Variants in JMY observed in about 807,000 individuals in gnomAD.
JMY encodes the protein junction mediating and regulatory protein, p53 cofactor, also known as junction-mediating and -regulatory protein.
Under a neutral mutation model 103.3 loss-of-function variants are expected in JMY, and 46 were observed. That is an observed-to-expected ratio of 0.45 (90% CI 0.35 to 0.57). JMY has a LOEUF of 0.57. Ranked by LOEUF, JMY falls within the 20% of genes least tolerant of loss-of-function variation. The pLI, the probability that JMY is intolerant of heterozygous loss-of-function variation, is 0.00. For synonymous variants in JMY, 526 were observed against 489.3 expected, an observed-to-expected ratio of 1.07 and a Z score of -0.99; for missense variants, 1,238 against 1,255.2, an observed-to-expected ratio of 0.99 and a Z score of 0.21.
Position 79,271,397 on chromosome 5 carries a change from C to T in JMY, c.1033-6513C>T, listed in dbSNP as rs189539717. Among the ~76,000 whole-genome samples, 5 of 152,144 alleles carry T rather than the reference C, an allele frequency of 3.3e-5. No homozygotes were observed. In the East Asian group the frequency reaches 5.8e-4, roughly 18 times the overall value. ...TTAGGCTAAACCTGGCCTCACAAAA[C>T]GAGTTAGGAAGTATTCCCTCTACTT... is the stretch of plus-strand genomic sequence containing the variant. On this transcript the variant is annotated intron_variant, in intron 1 of 10. Coordinates refer to ENST00000396137, the MANE Select transcript of JMY (RefSeq NM_152405.5).
intron 2 of JMY, among the ~76,000 whole-genome samples, chr5:79,281,226 A>G (rs1326230466): frequency 2.0e-5 from 3 of 151,426 alleles, no homozygotes; most frequent in Non-Finnish European, 4.4e-5. Context: ...TTGTATTTTT[A>G]GTAGAGACGG....
At chr5:79,284,458 A>C in intron 2 of JMY, 1 of 1,577,356 alleles carries the variant, frequency 6.3e-7, no homozygotes, top group Non-Finnish European at 8.6e-7. Flanking sequence ...GGTGCTGGGC[A>C]TAAGAGGTCT....
At chr5:79,307,401 A>G (rs746078999) in intron 7 of JMY, among the ~76,000 whole-genome samples, 1 of 152,122 alleles carries the variant, frequency 6.6e-6, no homozygotes, top group Non-Finnish European at 1.5e-5. Context: ...CACATCCTCT[A>G]TAGCATTTTG....
chr5:79,278,865 G>A (rs1746026175), intron 2 of JMY, among the ~76,000 whole-genome samples: 2 of 149,174 alleles, frequency 1.3e-5, no homozygotes, highest in African/African-American at 4.9e-5. Flanking sequence ...CTGGGCTCAA[G>A]CGATTTGCCC....
chr5:79,300,827 G>C lies in JMY; in HGVS notation c.1845G>C (p.Arg615=). Reference sequence around the variant, plus strand: ...GCCAGCTGGAAGCAAGACGTGGACGGGTTTCTGCCAAGAAATCCTACCTCA... The same window carrying C: ...GCCAGCTGGAAGCAAGACGTGGACGCGTTTCTGCCAAGAAATCCTACCTCA... ...KARQLEARRG[R]VSAKKSYLRN... The change falls in exon 6 of 11, where the codon CGG becomes CGC. Residue 615 remains arginine, a synonymous_variant. Coordinates refer to ENST00000396137, the MANE Select transcript of JMY (RefSeq NM_152405.5). The C allele has an allele frequency of 6.3e-7, 1 of 1,593,516 alleles. No homozygotes were observed. The highest frequency in any genetic ancestry group is 8.5e-7 in the Non-Finnish European group (1 of 1,173,770).
At chr5:79,257,798 T>G (rs1745292945) in intron 1 of JMY, among the ~76,000 whole-genome samples, 1 of 152,116 alleles carries the variant, frequency 6.6e-6, no homozygotes, top group Non-Finnish European at 1.5e-5. Context: ...GTCTTACTCT[T>G]GTTGCCCAGG....
chr5:79,267,839 A>G (rs1745629348), intron 1 of JMY, among the ~76,000 whole-genome samples: 2 of 152,268 alleles, frequency 1.3e-5, no homozygotes, highest in African/African-American at 4.8e-5. Context: ...AAGCTTCTAT[A>G]AACTTTAGTG....
At chr5:79,238,648 C>CTTTTTTTTTTT (rs1055172051) in intron 1 of JMY, among the ~76,000 whole-genome samples, 5 of 120,668 alleles carry the variant, frequency 4.1e-5, no homozygotes, top group Non-Finnish European at 3.4e-5. Flanking sequence ...TCCGCGCCTT[C>CTTTTTTTTTTT]TTTTTTTTTT....
At chr5:79,304,929 C>CA in intron 6 of JMY, among the ~76,000 whole-genome samples, 1 of 152,266 alleles carries the variant, frequency 6.6e-6, no homozygotes, top group Middle Eastern at 3.4e-3. Context: ...TAATATGGAG[C>CA]AGGGGTAGGA....
At chr5:79,258,567 T>C (rs1236016678) in intron 1 of JMY, among the ~76,000 whole-genome samples, 1 of 152,074 alleles carries the variant, frequency 6.6e-6, no homozygotes. Flanking sequence ...TTAGTGAGCG[T>C]GGGGTCTGGC....
chr5:79,281,106 G>A (rs184832233), intron 2 of JMY, among the ~76,000 whole-genome samples: 73 of 151,598 alleles, frequency 4.8e-4, no homozygotes, highest in African/African-American at 1.6e-3. Context: ...GTGCAGTGGC[G>A]CGATTTTGGC....
chr5:79,318,781 G>T (rs1179114090), intron 10 of JMY, among the ~76,000 whole-genome samples: 3 of 84,084 alleles, frequency 3.6e-5, no homozygotes, highest in Non-Finnish European at 4.9e-5. Context: ...GAGAGAGAGA[G>T]AGAGAGAGAG....
intron 1 of JMY, among the ~76,000 whole-genome samples, chr5:79,270,411 T>C (rs1745719145): frequency 9.8e-6 from 1 of 101,896 alleles, no homozygotes; most frequent in East Asian, 2.4e-4. Context: ...TACATAAATA[T>C]TTAAAATATA....
rs777377646 is a variant in JMY at position 79,312,485 on chromosome 5, G to T, written c.2051G>T (p.Arg684Leu). 6.4e-7 allele frequency: 1 copy of T among 1,550,916 alleles called. No individual in the cohort carries two copies. The highest frequency in any genetic ancestry group is 1.4e-5 in the African/African-American group (1 of 71,450). ...QERQRTLDRL[R>L]TFKQRYPGQV... ...AGACAGAGAACACTGGATAGACTTC[G>T]AACATTTAAACAGGTATTAAAAGTA... Residue 684 changes from arginine (R) to leucine (L), a missense_variant, in exon 8 of 11, where the codon CGA becomes CTA. Physicochemically the swap from Arg to Leu is moderately radical, Grantham distance 102. Transcript: ENST00000396137.
chr5:79,302,443 C>T (rs1222214230), intron 6 of JMY, among the ~76,000 whole-genome samples: 2 of 152,090 alleles, frequency 1.3e-5, no homozygotes, highest in Non-Finnish European at 2.9e-5. Flanking sequence ...GTTCTGCCGG[C>T]CAAAAACAGC....
At chr5:79,240,150 G>A (rs1744689941) in intron 1 of JMY, among the ~76,000 whole-genome samples, 1 of 149,274 alleles carries the variant, frequency 6.7e-6, no homozygotes, top group African/African-American at 2.5e-5. Flanking sequence ...TGAGTAGCTG[G>A]GATTATAGGC....
intron 4 of JMY, among the ~76,000 whole-genome samples, chr5:79,293,131 A>G (rs1345218025): frequency 6.6e-6 from 1 of 151,804 alleles, no homozygotes. Flanking sequence ...TTTTTAAAAC[A>G]AAGTTCTTCT....
chr5:79,269,941 G>A (rs1745695062), intron 1 of JMY, among the ~76,000 whole-genome samples: 1 of 151,894 alleles, frequency 6.6e-6, no homozygotes, highest in African/African-American at 2.4e-5. Context: ...ATGTTGCCCA[G>A]GTGGGTCTTG....
chr5:79,270,313 A>T (rs1335794873), intron 1 of JMY, among the ~76,000 whole-genome samples: 1 of 144,698 alleles, frequency 6.9e-6, no homozygotes, highest in African/African-American at 2.6e-5. Flanking sequence ...AATATTTAAA[A>T]TATATATTTA....
Sources: allele counts gnomAD v4.1 joint callset (sites outside exome capture counted in the v4.1 genomes callset), GRCh38; gene constraint gnomAD v4.1.1; transcripts MANE v1.5; gene names NCBI Gene and HGNC (gene_info 2026-07-23, HGNC 2026-07-21).